FBXO39: variants seen among roughly 807,000 people sequenced by gnomAD.
FBXO39 encodes the protein F-box only protein 39.
Under a neutral mutation model 36.6 loss-of-function variants are expected in FBXO39, and 22 were observed. That is an observed-to-expected ratio of 0.60 (90% CI 0.43 to 0.86). FBXO39 has a LOEUF of 0.86. FBXO39 is among the 40% of genes least tolerant of loss of function. The probability of loss-of-function intolerance (pLI) is 0.00; values close to 1 mark genes in which losing one functional copy is unlikely to be tolerated. For missense variants in FBXO39, 536 were observed against 543.9 expected, an observed-to-expected ratio of 0.99 and a Z score of 0.14; for synonymous variants, 206 against 205.8, an observed-to-expected ratio of 1.00 and a Z score of -0.01.
At position 6,780,513 on chromosome 17, in the gene FBXO39, G is replaced by T. The variant is rs1246341334; in HGVS notation, c.645G>T (p.Gln215His). Residue 215 changes from glutamine to histidine, a missense_variant, in exon 2 of 4, where the codon CAG becomes CAT. Transcript: ENST00000321535. The stretch of plus-strand genomic sequence containing the variant: ...ACCTTGCTGTCTACAACAGCCCCCA[G>T]TTCAAAAAGACCATGTCCACATTCC... The part of the protein sequence containing the change: ...SHHLAVYNSP[Q>H]FKKTMSTFHN... 8 of 1,614,098 alleles carry T rather than the reference G, an allele frequency of 5.0e-6. No individual in the cohort carries two copies. Among genetic ancestry groups the T allele is most frequent in the Non-Finnish European group, 6.8e-6 (8 of 1,180,022 alleles).
At chr17:6,784,002 G>A (rs1222027388) in intron 2 of FBXO39, among the ~76,000 whole-genome samples, 2 of 151,970 alleles carry the variant, frequency 1.3e-5, no homozygotes, top group African/African-American at 4.8e-5. Context: ...AACATTGATG[G>A]AAAATTCCTC....
chr17:6,786,459 A>T (rs1976571717), intron 2 of FBXO39, among the ~76,000 whole-genome samples: 1 of 152,172 alleles, frequency 6.6e-6, no homozygotes, highest in African/African-American at 2.4e-5. Context: ...GTCTATAGTC[A>T]ATCATCATTT....
intron 2 of FBXO39, among the ~76,000 whole-genome samples, chr17:6,785,111 C>T (rs1217664986): frequency 4.6e-5 from 7 of 151,878 alleles, no homozygotes; most frequent in Non-Finnish European, 1.0e-4. Flanking sequence ...AGATTTTAAG[C>T]CCCTTATATA....
In FBXO39 at chr17:6,780,246, G is replaced by A; in HGVS notation, c.378G>A (p.Leu126=). Residue 126 remains leucine (L), a synonymous_variant, in exon 2 of 4, where the codon CTG becomes CTA. Transcript: ENST00000321535. ...GTCTGAGTAAGAGCAACAACCGTCT[G>A]AAATCTCTTTCCATCCAATACCTGG... is the stretch of plus-strand genomic sequence containing the variant. ...LSCLSKSNNR[L]KSLSIQYLEL... is the part of the protein sequence containing the mutation. 1 of 1,614,068 alleles carries A rather than the reference G, an allele frequency of 6.2e-7. No individual in the cohort carries two copies. Among genetic ancestry groups the A allele is most frequent in the Non-Finnish European group, 8.5e-7 (1 of 1,179,948 alleles).
At chr17:6,780,943 G>A in intron 2 of FBXO39, 52 bp downstream of exon 2, 1 of 1,545,226 alleles carries the variant, frequency 6.5e-7, no homozygotes, top group Non-Finnish European at 8.7e-7. Flanking sequence ...GGCTTCCCCA[G>A]AAGAAAGCCC....
intron 3 of FBXO39, 75 bp downstream of exon 3, chr17:6,787,031 G>C (rs963840023): frequency 2.0e-6 from 3 of 1,505,070 alleles, no homozygotes. Context: ...CTGGAACGAA[G>C]GGCTGAATAA....
Position 6,780,864 on chromosome 17 carries a change from C to T in FBXO39, c.996C>T (p.Leu332=), listed in dbSNP as rs1399643395. 1.2e-6 allele frequency: 2 copies of T among 1,612,918 alleles called. No individual in the cohort carries two copies. The highest frequency in any genetic ancestry group is 1.3e-5 in the African/African-American group (1 of 74,910). The change falls in exon 2 of 4, where the codon CTC becomes CTT. Residue 332 remains leucine, a synonymous_variant. Transcript: ENST00000321535. The part of the protein sequence containing the change: ...DCSMRPTLID[L]LPTFRHTLQK... ...CAATGAGACCCACTCTGATAGATCTCCTGCCCACCTTCCGGCACACTCTGC... is the reference window on the plus strand; with the variant it reads ...CAATGAGACCCACTCTGATAGATCTTCTGCCCACCTTCCGGCACACTCTGC...
Position 6,780,145 on chromosome 17 carries a change from G to A in FBXO39, c.277G>A (p.Glu93Lys). The change falls in exon 2 of 4, where the codon GAG (glutamate) becomes AAG (lysine). Residue 93 changes from glutamate (E) to lysine (K), a missense_variant. By Grantham distance (56) the Glu-to-Lys change is moderately conservative. Transcript: ENST00000321535. The part of the protein sequence containing the change: ...KKFGRYLEHL[E>K]VKFMNPYNAV... ...GTTTGGTCGTTATCTGGAGCACCTG[G>A]AGGTCAAATTCATGAATCCTTACAA... 1 of 1,614,190 alleles carries A rather than the reference G, an allele frequency of 6.2e-7. No individual in the cohort carries two copies. The highest frequency in any genetic ancestry group is 1.3e-5 in the African/African-American group (1 of 75,044).
At position 6,780,076 on chromosome 17, in the gene FBXO39, G is replaced by A; in HGVS notation, c.208G>A (p.Val70Ile). 1.9e-6 allele frequency: 3 copies of A among 1,614,208 alleles called. No individual in the cohort carries two copies. The highest frequency in any genetic ancestry group is 2.5e-6 in the Non-Finnish European group (3 of 1,180,034). ...TITFSGRPSRVHASEVESAVW... is the reference protein window; with the variant it reads ...TITFSGRPSRIHASEVESAVW... Reference sequence around the variant, plus strand: ...CACCTTCAGCGGGAGACCTTCCAGGGTACATGCATCTGAAGTTGAGTCAGC... The same window carrying A: ...CACCTTCAGCGGGAGACCTTCCAGGATACATGCATCTGAAGTTGAGTCAGC... Residue 70 changes from valine to isoleucine, a missense_variant, in exon 2 of 4, where the codon GTA (valine) becomes ATA (isoleucine). Transcript: ENST00000321535.
intron 1 of FBXO39, among the ~76,000 whole-genome samples, chr17:6,778,507 C>G (rs1380145984): frequency 1.3e-5 from 2 of 152,174 alleles, no homozygotes; most frequent in Non-Finnish European, 2.9e-5. Flanking sequence ...AGGTGAGTCC[C>G]TTCACCTCTC....
intron 1 of FBXO39, among the ~76,000 whole-genome samples, chr17:6,779,359 T>C (rs1037920659): frequency 2.0e-5 from 3 of 152,210 alleles, no homozygotes; most frequent in Admixed American, 6.5e-5. Context: ...TCTGTGGCTT[T>C]GCACGTATTG....
intron 2 of FBXO39, among the ~76,000 whole-genome samples, chr17:6,781,478 G>A (rs1976508695): frequency 6.6e-6 from 1 of 152,152 alleles, no homozygotes; most frequent in Admixed American, 6.5e-5. Context: ...ACCTCACAGT[G>A]GTTGTGACAA....
chr17:6,785,653 GA>G (rs149349043), intron 2 of FBXO39, among the ~76,000 whole-genome samples: 2,217 of 150,436 alleles, frequency 0.015, 40 homozygotes, highest in African/African-American at 0.046. Flanking sequence ...AACTCTATAG[GA>G]AAAAAAAATA....
rs1415156164 is a variant in FBXO39 at position 6,787,357 on chromosome 17, A to G, written c.1258A>G (p.Ile420Val). Residue 420 changes from isoleucine (I) to valine (V), a missense_variant, in exon 4 of 4, where the codon ATT (isoleucine) becomes GTT (valine). Coordinates refer to ENST00000321535, the MANE Select transcript of FBXO39 (RefSeq NM_153230.3). ...TNEEDKTLQE[I>V]YRKYRKLIES... ...TGAAGAGGACAAGACCCTGCAGGAA[A>G]TTTACAGGAAGTACAGAAAGCTGAT... is the stretch of plus-strand genomic sequence containing the variant. 3.7e-6 allele frequency: 6 copies of G among 1,614,100 alleles called. No individual in the cohort carries two copies. The highest frequency in any genetic ancestry group is 5.1e-6 in the Non-Finnish European group (6 of 1,180,000).
At chr17:6,778,472 C>T (rs927005768) in intron 1 of FBXO39, among the ~76,000 whole-genome samples, 4 of 152,108 alleles carry the variant, frequency 2.6e-5, no homozygotes, top group Non-Finnish European at 5.9e-5. Context: ...GTCTGGGGCC[C>T]GATACTAACT....
chr17:6,787,235 T>TGTATGTGTGTGTGTGTGTGC, intron 3 of FBXO39, 65 bp from the exon 4 acceptor site: 1 of 1,304,912 alleles, frequency 7.7e-7, no homozygotes, highest in African/African-American at 1.6e-5. Flanking sequence ...TGTGTGTGTG[T>TGTATGTGTGTGTGTGTGTGC]GTATGTGTGT....
intron 1 of FBXO39, among the ~76,000 whole-genome samples, chr17:6,776,702 C>T (rs554292069): frequency 1.3e-5 from 2 of 152,268 alleles, no homozygotes; most frequent in South Asian, 4.2e-4. Context: ...GCAGCCAGCT[C>T]TTGTATAGCG....
Position 6,779,722 on chromosome 17 carries a change from A to G in FBXO39, c.-80-67A>G, listed in dbSNP as rs1976479309. On this transcript the variant is annotated intron_variant, in intron 1 of 3. Coordinates refer to ENST00000321535, the MANE Select transcript of FBXO39 (RefSeq NM_153230.3). ...GCCTAATGCACTTGGGACCACAGGGAAAGCTGGTTCATTTGAGTTTAATCT... is the reference window on the plus strand; with the variant it reads ...GCCTAATGCACTTGGGACCACAGGGGAAGCTGGTTCATTTGAGTTTAATCT... The G allele has an allele frequency of 4.7e-6, 4 of 843,190 alleles. No homozygotes were observed. In the Admixed American group the frequency reaches 8.1e-5, roughly 17 times the overall value. 52.2% of individuals were successfully genotyped at this position (843,190 alleles called of 1,614,324 possible). A position where few individuals can be genotyped will look rare whatever the true frequency, so the allele number is the denominator to read the frequency against.
Position 6,780,462 on chromosome 17 carries a change from C to T in FBXO39, c.594C>T (p.Leu198=). 6.2e-7 allele frequency: 1 copy of T among 1,614,138 alleles called. No individual in the cohort carries two copies. Among genetic ancestry groups the T allele is most frequent in the South Asian group, 1.1e-5 (1 of 91,080 alleles). Residue 198 remains leucine, a synonymous_variant, in exon 2 of 4, where the codon CTC becomes CTT. Coordinates refer to ENST00000321535, the MANE Select transcript of FBXO39 (RefSeq NM_153230.3). ...YMRNENVISE[L]NIEDYFSHHL... is the part of the protein sequence containing the mutation. ...GGAATGAGAATGTGATCTCAGAGCT[C>T]AACATCGAGGACTATTTCAGCCATC...
Sources: allele counts gnomAD v4.1 joint callset (sites outside exome capture counted in the v4.1 genomes callset), GRCh38; gene constraint gnomAD v4.1.1; transcripts MANE v1.5; gene names NCBI Gene and HGNC (gene_info 2026-07-23, HGNC 2026-07-21).